The following TADA2A variants were observed in gnomAD, a reference collection of about 807,000 sequenced individuals.
The protein encoded by TADA2A is transcriptional adapter 2-alpha.
TADA2A carries 38 observed loss-of-function variants against 67.4 expected under a neutral mutation model. That is an observed-to-expected ratio of 0.56 (90% CI 0.44 to 0.74). TADA2A has a LOEUF of 0.74. Ranked by LOEUF, TADA2A falls within the 30% of genes least tolerant of loss-of-function variation. The pLI, the probability that TADA2A is intolerant of heterozygous loss-of-function variation, is 0.00. For missense variants in TADA2A, 454 were observed against 547.0 expected (o/e 0.83, Z 1.70); for synonymous variants, 192 against 181.6 (o/e 1.06, Z -0.46).
intron 5 of TADA2A, among the ~76,000 whole-genome samples, chr17:37,439,158 A>T (rs764678018): frequency 6.6e-6 from 1 of 152,068 alleles, no homozygotes; most frequent in Non-Finnish European, 1.5e-5. Flanking sequence ...GCTGAAATGC[A>T]GTGGTGTGAT....
At chr17:37,425,815 ATTTTTTT>A (rs1235489576) in intron 3 of TADA2A, among the ~76,000 whole-genome samples, 2 of 126,896 alleles carry the variant, frequency 1.6e-5, no homozygotes, top group Admixed American at 8.0e-5. Context: ...TGTCCAGCTA[ATTTTTTT>A]TTTTTTTTTT....
intron 4 of TADA2A, among the ~76,000 whole-genome samples, chr17:37,434,581 A>G (rs962139587): frequency 6.6e-6 from 1 of 152,238 alleles, no homozygotes; most frequent in South Asian, 2.1e-4. Context: ...TAGTAGTTAC[A>G]TTTAATGACT....
At chr17:37,421,229 A>C (rs2052221962) in intron 2 of TADA2A, among the ~76,000 whole-genome samples, 1 of 145,508 alleles carries the variant, frequency 6.9e-6, no homozygotes, top group Admixed American at 7.0e-5. Flanking sequence ...AAAAGTAAAA[A>C]TTTAGCCAGG....
intron 9 of TADA2A, among the ~76,000 whole-genome samples, chr17:37,459,343 C>T (rs1201760726): frequency 6.7e-6 from 1 of 149,830 alleles, no homozygotes; most frequent in Admixed American, 6.7e-5. Context: ...AGTGCAGTGG[C>T]GTGATCTCAG....
chr17:37,412,210 CA>C (rs1781255167), intron 2 of TADA2A, among the ~76,000 whole-genome samples: 1 of 73,006 alleles, frequency 1.4e-5, no homozygotes, highest in Admixed American at 1.7e-4. Context: ...GACTCTGTCT[CA>C]AAAAAAGAAA....
chr17:37,452,104 A>T (rs1351151082), intron 8 of TADA2A, among the ~76,000 whole-genome samples: 3 of 152,128 alleles, frequency 2.0e-5, no homozygotes, highest in African/African-American at 7.2e-5. Flanking sequence ...GATAAGGCTT[A>T]TAAAGATCTT....
chr17:37,411,256 T>G lies in TADA2A; in HGVS notation c.-97-13T>G. ...GATTTTCTGATCCATGTGCCACTTT[T>G]GTTTGTTCCTAGGGAGTCATCAAGC... On this transcript the variant is annotated splice_polypyrimidine_tract_variant and intron_variant, in intron 1 of 15. Coordinates refer to ENST00000615182, the MANE Select transcript of TADA2A (RefSeq NM_001166105.3). 2.1e-6 allele frequency: 2 copies of G among 967,552 alleles called. No homozygotes were observed. Among genetic ancestry groups the G allele is most frequent in the Non-Finnish European group, 3.3e-6 (2 of 605,656 alleles). The allele number at this position is 967,552 out of a possible 1,614,324, so 59.9% of individuals were successfully genotyped here.
Position 37,411,373 on chromosome 17 carries a change from G to C in TADA2A, c.8G>C (p.Arg3Pro). 5 of 1,613,834 alleles carry C rather than the reference G, an allele frequency of 3.1e-6. No individual in the cohort carries two copies. Among genetic ancestry groups the C allele is most frequent in the Non-Finnish European group, 4.2e-6 (5 of 1,179,804 alleles). ...CTCGTTGCCAATTAGGGAATGGACC[G>C]TTTGGGTTCCTTTAGCAGTAAGTAC... MDRLGSFSNDPSD... is the reference protein window; with the variant it reads MDPLGSFSNDPSD... Residue 3 changes from arginine (R) to proline (P), a missense_variant, in exon 2 of 16, where the codon CGT becomes CCT. By Grantham distance (103) the Arg-to-Pro change is moderately radical (BLOSUM62 -2). Coordinates refer to ENST00000615182, the MANE Select transcript of TADA2A (RefSeq NM_001166105.3).
chr17:37,432,942 TTTTTTTTTTTAC>T, intron 4 of TADA2A, among the ~76,000 whole-genome samples: 1 of 148,308 alleles, frequency 6.7e-6, no homozygotes, highest in African/African-American at 2.5e-5. Context: ...TTTTTTTTTT[TTTTTTTTTTTAC>T]TTTTTGCAGT....
Position 37,427,079 on chromosome 17 carries a change from T to C in TADA2A, c.192+70T>C, listed in dbSNP as rs572047450. Reference sequence around the variant, plus strand: ...ATTAGACTGGGAAGTAGTTTTTCTTTTCCATTTTTCTTTAAGCTCTCTTGG... The same window carrying C: ...ATTAGACTGGGAAGTAGTTTTTCTTCTCCATTTTTCTTTAAGCTCTCTTGG... On this transcript the variant is annotated intron_variant, in intron 4 of 15. Coordinates refer to ENST00000615182, the MANE Select transcript of TADA2A (RefSeq NM_001166105.3). 11 of 1,377,024 alleles carry C rather than the reference T, an allele frequency of 8.0e-6. No individual in the cohort carries two copies. The Admixed American group carries it at 9.8e-5, about 12-fold the overall frequency. 85.3% of individuals were successfully genotyped at this position (1,377,024 alleles called of 1,614,324 possible).
chr17:37,466,959 C>G (rs187436309), intron 11 of TADA2A, among the ~76,000 whole-genome samples: 3 of 152,106 alleles, frequency 2.0e-5, no homozygotes, highest in African/African-American at 7.2e-5. Flanking sequence ...GAATTCGAGA[C>G]CAACCTGGCC....
Position 37,431,872 on chromosome 17 carries a change from A to G in TADA2A, c.192+4863A>G, listed in dbSNP as rs1361643944. 2.0e-5 allele frequency among the ~76,000 whole-genome samples: 3 copies of G among 152,088 alleles called. 1 individual carries two copies. The highest frequency in any genetic ancestry group is 7.2e-5 in the African/African-American group (3 of 41,422). On this transcript the variant is annotated intron_variant, in intron 4 of 15. Coordinates refer to ENST00000615182, the MANE Select transcript of TADA2A (RefSeq NM_001166105.3). ...TGAGCTACTGCACCCAGCCTAAACCATCACCTTTCTAGATTATTTTGAAGC... is the reference window on the plus strand; with the variant it reads ...TGAGCTACTGCACCCAGCCTAAACCGTCACCTTTCTAGATTATTTTGAAGC...
At chr17:37,467,015 G>T in intron 11 of TADA2A, among the ~76,000 whole-genome samples, 1 of 152,026 alleles carries the variant, frequency 6.6e-6, no homozygotes, top group East Asian at 1.9e-4. Context: ...AAATTAGCCG[G>T]GTGTGGTGGT....
chr17:37,466,942 A>C (rs2053676842), intron 11 of TADA2A, among the ~76,000 whole-genome samples: 1 of 152,296 alleles, frequency 6.6e-6, no homozygotes, highest in African/African-American at 2.4e-5. Flanking sequence ...GGATCACCTG[A>C]GGTCAGGAAT....
chr17:37,444,903 T>G, intron 8 of TADA2A, 135 bp downstream of exon 8: 2 of 791,318 alleles, frequency 2.5e-6, no homozygotes, highest in South Asian at 3.5e-5. Flanking sequence ...GTTAAGTTGC[T>G]GAACTTACTG....
At chr17:37,469,007 T>C (rs182383639) in intron 12 of TADA2A, among the ~76,000 whole-genome samples, 1 of 151,834 alleles carries the variant, frequency 6.6e-6, no homozygotes, top group African/African-American at 2.4e-5. Context: ...TTCAAGCGAG[T>C]CTCCTGCCTC....
intron 8 of TADA2A, among the ~76,000 whole-genome samples, chr17:37,449,084 G>C (rs1009395986): frequency 1.3e-5 from 2 of 151,592 alleles, no homozygotes. Flanking sequence ...GCAGTGGCGC[G>C]ATCTTGGCTC....
At chr17:37,421,816 T>G (rs989279006) in intron 2 of TADA2A, among the ~76,000 whole-genome samples, 1 of 37,622 alleles carries the variant, frequency 2.7e-5, no homozygotes, top group Admixed American at 3.2e-4. Flanking sequence ...TTTTCTCTTA[T>G]TTGCCCCAAC....
chr17:37,470,795 C>T (rs1028438591), intron 13 of TADA2A, among the ~76,000 whole-genome samples: 1 of 152,070 alleles, frequency 6.6e-6, no homozygotes, highest in African/African-American at 2.4e-5. Flanking sequence ...ATGACTTCAA[C>T]TCTCTCTTCA....
Sources: gnomAD v4.1 joint callset for allele counts (sites outside exome capture counted in the v4.1 genomes callset) on GRCh38, gnomAD v4.1.1 for gene constraint, MANE v1.5 for transcripts, NCBI Gene and HGNC (gene_info 2026-07-23, HGNC 2026-07-21) for gene names.